TBC1D2: variants seen among roughly 807,000 people sequenced by gnomAD.
TBC1D2 encodes TBC1 domain family member 2A.
In TBC1D2, 58 loss-of-function variants were observed where a neutral mutation model predicts 91.1. The observed-to-expected ratio is 0.64, with a 90% CI of 0.52 to 0.79. TBC1D2 has a LOEUF of 0.79. TBC1D2 is among the 30% of genes least tolerant of loss of function. The probability of loss-of-function intolerance (pLI) is 0.00; values close to 1 mark genes in which losing one functional copy is unlikely to be tolerated. For missense variants in TBC1D2, 1,080 were observed against 1,208.3 expected, an observed-to-expected ratio of 0.89 and a Z score of 1.57; for synonymous variants, 482 against 511.5, an observed-to-expected ratio of 0.94 and a Z score of 0.78.
At chr9:98,217,704 T>C (rs1829003081) in intron 6 of TBC1D2, among the ~76,000 whole-genome samples, 2 of 152,104 alleles carry the variant, frequency 1.3e-5, no homozygotes, top group Admixed American at 6.5e-5. Context: ...CATGCAACTC[T>C]TTCTCTTTTT....
chr9:98,254,292 C>A (rs1391195377), intron 1 of TBC1D2, among the ~76,000 whole-genome samples: 8 of 147,342 alleles, frequency 5.4e-5, no homozygotes, highest in Non-Finnish European at 1.0e-4. Flanking sequence ...TTGACATTAG[C>A]ACTCTGACCT....
intron 2 of TBC1D2, among the ~76,000 whole-genome samples, chr9:98,247,995 A>G (rs1160390472): frequency 6.6e-6 from 1 of 152,000 alleles, no homozygotes; most frequent in Non-Finnish European, 1.5e-5. Context: ...ATCAACTCTG[A>G]GACTACACAG....
At chr9:98,251,959 T>G in intron 1 of TBC1D2, 33 bp from the exon 2 acceptor site, 1 of 1,580,322 alleles carries the variant, frequency 6.3e-7, no homozygotes. Flanking sequence ...GGCAAGGCCC[T>G]GTGCCTGAAG....
At chr9:98,200,434 G>A (rs1183488624) in intron 11 of TBC1D2, 60 bp from the exon 12 acceptor site, 5 of 1,525,632 alleles carry the variant, frequency 3.3e-6, no homozygotes, top group Admixed American at 3.9e-5. Context: ...CATCCCCGGA[G>A]GGAGGGAACC....
chr9:98,244,912 T>C (rs1829733178), intron 2 of TBC1D2, among the ~76,000 whole-genome samples: 1 of 152,032 alleles, frequency 6.6e-6, no homozygotes, highest in African/African-American at 2.4e-5. Flanking sequence ...GGGAAACCTG[T>C]ATGGAATATA....
chr9:98,247,685 C>T (rs1456158839), intron 2 of TBC1D2, among the ~76,000 whole-genome samples: 2 of 143,654 alleles, frequency 1.4e-5, no homozygotes, highest in East Asian at 2.0e-4. Context: ...GCCAAGATCG[C>T]GCCACTGTAC....
At chr9:98,243,331 G>T (rs183880261) in intron 3 of TBC1D2, among the ~76,000 whole-genome samples, 35 of 151,758 alleles carry the variant, frequency 2.3e-4, no homozygotes, top group Non-Finnish European at 4.7e-4. Flanking sequence ...TATACCAAAT[G>T]CTAAGAATAT....
At chr9:98,204,989 C>T (rs969394358) in intron 9 of TBC1D2, among the ~76,000 whole-genome samples, 9 of 152,218 alleles carry the variant, frequency 5.9e-5, no homozygotes, top group African/African-American at 1.9e-4. Context: ...TGAAGGCTGC[C>T]TCAGAAACTC....
chr9:98,202,888 A>C (rs572914480), intron 10 of TBC1D2, among the ~76,000 whole-genome samples: 1 of 152,382 alleles, frequency 6.6e-6, no homozygotes, highest in South Asian at 2.1e-4. Flanking sequence ...GTAAACTGCA[A>C]GTAGAAATTG....
At chr9:98,207,590 T>C (rs1315108885) in intron 9 of TBC1D2, among the ~76,000 whole-genome samples, 1 of 152,142 alleles carries the variant, frequency 6.6e-6, no homozygotes, top group Non-Finnish European at 1.5e-5. Flanking sequence ...TTGGGGAATT[T>C]AGAACTGGAA....
intron 4 of TBC1D2, among the ~76,000 whole-genome samples, chr9:98,230,173 C>A (rs1000574539): frequency 2.2e-4 from 33 of 152,254 alleles, no homozygotes; most frequent in African/African-American, 7.5e-4. Flanking sequence ...ATACATCATG[C>A]CTATTATGAG....
rs1017829032 is a variant in TBC1D2, at chr9:98,201,391, T to C, written c.2457+88A>G. The C allele has an allele frequency of 8.7e-6, 11 of 1,258,020 alleles. No individual in the cohort carries two copies. The African/African-American group carries it at 1.6e-4, about 19-fold the overall frequency. The allele number at this position is 1,258,020 out of a possible 1,614,324, so 77.9% of individuals were successfully genotyped here. On this transcript the variant is annotated intron_variant, in intron 11 of 12. Transcript: ENST00000465784. ...ACAGCTCTGACAAGTAAGCATTGTC[T>C]TCCCATTCTCCAGGGGCAGAGTCAA...
intron 9 of TBC1D2, among the ~76,000 whole-genome samples, chr9:98,207,301 A>T (rs1828679719): frequency 6.6e-6 from 1 of 152,060 alleles, no homozygotes; most frequent in African/African-American, 2.4e-5. Flanking sequence ...CACCTATTCT[A>T]AAAAAAAGCA....
chr9:98,212,995 T>C, intron 7 of TBC1D2, 113 bp downstream of exon 7: 1 of 1,205,702 alleles, frequency 8.3e-7, no homozygotes, highest in Non-Finnish European at 1.2e-6. Context: ...AAGGGGTCAG[T>C]TCAGAGGGAG....
intron 10 of TBC1D2, among the ~76,000 whole-genome samples, chr9:98,202,061 C>T (rs1026206286): frequency 3.9e-5 from 6 of 152,222 alleles, no homozygotes; most frequent in African/African-American, 1.4e-4. Flanking sequence ...AGCTTTGTCT[C>T]TAGGCTTATA....
chr9:98,199,442 G>A lies in TBC1D2; in HGVS notation c.2726C>T (p.Ser909Phe), dbSNP rs939327581. The A allele has an allele frequency of 6.2e-7, 1 of 1,613,982 alleles. No individual in the cohort carries two copies. The highest frequency in any genetic ancestry group is 8.5e-7 in the Non-Finnish European group (1 of 1,180,016). Residue 909 changes from serine (S) to phenylalanine (F), a missense_variant, in exon 13 of 13, where the codon TCC (serine) becomes TTC (phenylalanine). Coordinates refer to ENST00000465784, the MANE Select transcript of TBC1D2 (RefSeq NM_001267571.2). ...GCCCTCGGACACAGCTCTGCGCCGG[G>A]ATGCCCGCCTCTCCAGGTACTCTGC... is the stretch of plus-strand genomic sequence containing the variant. The part of the protein sequence containing the change: ...LKAEYLERRA[S>F]RRRAVSEGCA...
chr9:98,207,569 A>G (rs1450203191), intron 9 of TBC1D2, among the ~76,000 whole-genome samples: 1 of 152,078 alleles, frequency 6.6e-6, no homozygotes, highest in Non-Finnish European at 1.5e-5. Context: ...TGGGCCAATC[A>G]GATTTTTTCT....
Position 98,203,414 on chromosome 9 carries a change from G to A in TBC1D2, c.2151-6C>T, listed in dbSNP as rs1172900186. The A allele has an allele frequency of 1.9e-6, 3 of 1,613,932 alleles. No individual in the cohort carries two copies. The highest frequency in any genetic ancestry group is 2.7e-5 in the African/African-American group (2 of 74,952). The stretch of plus-strand genomic sequence containing the variant: ...GCAGGGCAATGGCCGCCAGCCTGGA[G>A]TAGTAGGGAAGGCCTGGAGTGATTA... On this transcript the variant is annotated splice_polypyrimidine_tract_variant and splice_region_variant and intron_variant, in intron 9 of 12. Coordinates refer to ENST00000465784, the MANE Select transcript of TBC1D2 (RefSeq NM_001267571.2).
intron 3 of TBC1D2, among the ~76,000 whole-genome samples, chr9:98,238,304 G>A (rs192988482): frequency 1.5e-5 from 2 of 136,746 alleles, no homozygotes; most frequent in East Asian, 3.9e-4. Context: ...CACACATTTT[G>A]CATCATTATG....
Sources: gnomAD v4.1 joint callset for allele counts (sites outside exome capture counted in the v4.1 genomes callset) on GRCh38, gnomAD v4.1.1 for gene constraint, MANE v1.5 for transcripts, NCBI Gene and HGNC (gene_info 2026-07-23, HGNC 2026-07-21) for gene names.